Variants in ANXA8 observed in about 807,000 individuals in gnomAD.
The protein encoded by ANXA8 is annexin A8, also known as VAC-beta.
ANXA8 carries 9 observed loss-of-function variants against 26.8 expected under a neutral mutation model. That is an observed-to-expected ratio of 0.34 (90% CI 0.20 to 0.59). The LOEUF (loss-of-function observed/expected upper bound fraction) is 0.59, where lower values mean the gene tolerates loss of function less well. ANXA8 is among the 20% of genes least tolerant of loss of function. The pLI is 0.84. For synonymous variants in ANXA8, 39 were observed against 94.8 expected (o/e 0.41, Z 3.42); for missense variants, 83 against 238.5 (o/e 0.35, Z 4.29).
At chr10:47,499,953 G>A in the ANXA8 span, among the ~76,000 whole-genome samples, 52 of 151,086 alleles carry the variant, frequency 3.4e-4, no homozygotes, top group Non-Finnish European at 6.3e-4. Context: ...TTTTTTTTTG[G>A]TAGAAATGGG....
At chr10:47,936,823 G>C in the ANXA8 span, among the ~76,000 whole-genome samples, 1 of 152,142 alleles carries the variant, frequency 6.6e-6, no homozygotes, top group South Asian at 2.1e-4. Context: ...GCCCTGGAAG[G>C]GTCAGAACGC....
the ANXA8 span, among the ~76,000 whole-genome samples, chr10:47,744,159 G>A: frequency 6.7e-6 from 1 of 148,432 alleles, no homozygotes; most frequent in East Asian, 2.2e-4. Context: ...GTGCTGCACC[G>A]GCAGGAGCGG....
chr10:47,779,893 CAGTT>C, the ANXA8 span, among the ~76,000 whole-genome samples: 5,013 of 147,000 alleles, frequency 0.034, 33 homozygotes, highest in African/African-American at 0.047. Flanking sequence ...GTTATGTACT[CAGTT>C]AGAGGAATTC....
chr10:47,553,864 G>A, the ANXA8 span, among the ~76,000 whole-genome samples: 2 of 149,282 alleles, frequency 1.3e-5, no homozygotes, highest in Non-Finnish European at 3.0e-5. Context: ...TTTGGTTCTG[G>A]CCGCCCCGGA....
At chr10:47,565,920 A>C in the ANXA8 span, 2 of 1,467,364 alleles carry the variant, frequency 1.4e-6, no homozygotes, top group East Asian at 5.7e-5. Context: ...ATGGAGTTCG[A>C]GGAGGGCATG....
At chr10:47,626,015 C>T in the ANXA8 span, among the ~76,000 whole-genome samples, 1 of 150,358 alleles carries the variant, frequency 6.7e-6, no homozygotes, top group East Asian at 1.9e-4. Context: ...CGTAAAGTCT[C>T]CCAGGTTCAT....
chr10:47,968,157 G>A, the ANXA8 span, among the ~76,000 whole-genome samples: 2 of 149,344 alleles, frequency 1.3e-5, no homozygotes, highest in African/African-American at 4.9e-5. Flanking sequence ...CACTGTGCTT[G>A]GCTGAGTTCA....
chr10:47,558,692 G>A, the ANXA8 span, among the ~76,000 whole-genome samples: 2 of 151,696 alleles, frequency 1.3e-5, no homozygotes, highest in Admixed American at 6.6e-5. Flanking sequence ...AACCCTCTAA[G>A]ACTTTGGGAT....
At chr10:47,659,320 G>A in the ANXA8 span, among the ~76,000 whole-genome samples, 1 of 151,650 alleles carries the variant, frequency 6.6e-6, no homozygotes, top group Middle Eastern at 3.4e-3. Flanking sequence ...TTTAAAAGCT[G>A]TATTCAAGAG....
the ANXA8 span, among the ~76,000 whole-genome samples, chr10:47,702,854 G>A: frequency 2.0e-5 from 3 of 150,080 alleles, no homozygotes; most frequent in African/African-American, 4.9e-5. Context: ...GGCTGGTCTC[G>A]GACTCCTGGG....
rs1258129273 is a variant in ANXA8, at chr10:47,484,051, G to A, written c.-118C>T. On this transcript the variant is annotated 5_prime_UTR_variant, in exon 1 of 12. Transcript: ENST00000585281. Reference sequence around the variant, plus strand: ...GAGTGAGCAGGCCGCTCACTTGGGTGTGGGGGTGCAAGCCCGCCCAGGGCA... The same window carrying A: ...GAGTGAGCAGGCCGCTCACTTGGGTATGGGGGTGCAAGCCCGCCCAGGGCA... 1 of 1,610,646 alleles carries A rather than the reference G, an allele frequency of 6.2e-7. No individual in the cohort carries two copies. Among genetic ancestry groups the A allele is most frequent in the Non-Finnish European group, 8.5e-7 (1 of 1,179,026 alleles).
the ANXA8 span, among the ~76,000 whole-genome samples, chr10:47,660,107 A>G: frequency 3.4e-5 from 5 of 146,918 alleles, no homozygotes; most frequent in East Asian, 5.8e-4. Context: ...AAGCTACTTA[A>G]CCTATCCCTA....
At chr10:47,669,496 A>G in the ANXA8 span, among the ~76,000 whole-genome samples, 2 of 151,452 alleles carry the variant, frequency 1.3e-5, no homozygotes, top group African/African-American at 4.9e-5. Context: ...AGGCAGGTAG[A>G]CTCCTTGCAT....
At chr10:47,468,976 T>C in intron 11 of ANXA8, 70 bp from the exon 12 acceptor site, 3 of 1,567,054 alleles carry the variant, frequency 1.9e-6, no homozygotes, top group Non-Finnish European at 2.6e-6. Flanking sequence ...GCGGCTGTGT[T>C]ATTATGACTA....
chr10:47,946,703 TA>T, the ANXA8 span, among the ~76,000 whole-genome samples: 2 of 151,038 alleles, frequency 1.3e-5, no homozygotes, highest in Non-Finnish European at 3.0e-5. Context: ...ACTTTTTTTT[TA>T]TTTTTTGAGA....
the ANXA8 span, among the ~76,000 whole-genome samples, chr10:47,734,053 G>C: frequency 6.8e-6 from 1 of 148,036 alleles, no homozygotes; most frequent in African/African-American, 2.5e-5. Flanking sequence ...TGGAATTCAG[G>C]TGTTTGCAAA....
At chr10:47,596,824 G>T in the ANXA8 span, among the ~76,000 whole-genome samples, 2 of 148,492 alleles carry the variant, frequency 1.3e-5, no homozygotes, top group African/African-American at 2.6e-5. Context: ...AATTCTACCA[G>T]ACATACAAAG....
the ANXA8 span, among the ~76,000 whole-genome samples, chr10:47,583,693 A>G: frequency 0.028 from 4,059 of 143,732 alleles, 125 homozygotes; most frequent in African/African-American, 0.1. Context: ...AGAAATTTAC[A>G]GGAGCCCTGT....
chr10:47,565,770 G>A, the ANXA8 span: 1 of 778,386 alleles, frequency 1.3e-6, no homozygotes, highest in Non-Finnish European at 1.8e-6. Context: ...TGCGCCCTTC[G>A]GCCGGGCGGG....
Sources: allele counts gnomAD v4.1 joint callset (sites outside exome capture counted in the v4.1 genomes callset), GRCh38; gene constraint gnomAD v4.1.1; transcripts MANE v1.5; gene names NCBI Gene and HGNC (gene_info 2026-07-23, HGNC 2026-07-21).